Variants in PRMT8 observed in about 807,000 individuals in gnomAD.
PRMT8 encodes the protein protein arginine methyltransferase 8.
A neutral mutation model predicts 47.1 loss-of-function variants in PRMT8; 7 were observed. The ratio of observed to expected loss-of-function variants is 0.15; its 90% CI spans 0.08 to 0.28. The LOEUF is 0.28. Ranked by LOEUF, PRMT8 falls within the 10% of genes least tolerant of loss-of-function variation. The pLI, the probability that PRMT8 is intolerant of heterozygous loss-of-function variation, is 1.00. For synonymous variants in PRMT8, 188 were observed against 186.5 expected, an observed-to-expected ratio of 1.01 and a Z score of -0.07; for missense variants, 237 against 505.4, an observed-to-expected ratio of 0.47 and a Z score of 5.09.
In PRMT8 at chr12:3,537,988, C is replaced by T. The variant is rs1233099886; in HGVS notation, c.76-2618C>T. 3.3e-5 allele frequency among the ~76,000 whole-genome samples: 5 copies of T among 152,176 alleles called. No homozygotes were observed. The East Asian group carries it at 7.7e-4, about 23-fold the overall frequency. ...TGGTTACAAACCGGCAATAGCTCCC[C>T]GTTGTCTTTTGTATTTAATTACGAC... On this transcript the variant is annotated intron_variant, in intron 1 of 9. Coordinates refer to ENST00000382622, the MANE Select transcript of PRMT8 (RefSeq NM_019854.5).
chr12:3,527,762 G>A (rs1203100792), intron 1 of PRMT8, among the ~76,000 whole-genome samples: 1 of 152,078 alleles, frequency 6.6e-6, no homozygotes, highest in Non-Finnish European at 1.5e-5. Context: ...CATTTCCAGA[G>A]CACTTCATTC....
chr12:3,444,629 C>T lies in PRMT8; in HGVS notation c.48+63187C>T, dbSNP rs117124731. Among the ~76,000 whole-genome samples, 109 of 152,288 alleles carry T rather than the reference C, an allele frequency of 7.2e-4. 2 individuals carry two copies. In the East Asian group the frequency reaches 0.02, roughly 28 times the overall value. ...TATGACAGGTGAAGGGAAAGGCATC[C>T]AGGTCATGCCAGTTAGCACAATTTC... On this transcript the variant is annotated intron_variant, in intron 1 of 9. Coordinates refer to the PRMT8 transcript ENST00000452611.
At chr12:3,455,104 C>T (rs190495175) in intron 1 of PRMT8, among the ~76,000 whole-genome samples, 6 of 152,188 alleles carry the variant, frequency 3.9e-5, no homozygotes, top group Non-Finnish European at 8.8e-5. Flanking sequence ...TTGGGGGCTC[C>T]TCCTATCTCT....
At chr12:3,553,603 C>A in intron 3 of PRMT8, 48 bp from the exon 4 acceptor site, 1 of 1,473,614 alleles carries the variant, frequency 6.8e-7, no homozygotes, top group Non-Finnish European at 9.5e-7. Context: ...GTGGGTCTTG[C>A]TGTGATTTTT....
chr12:3,569,409 G>A lies in PRMT8; in HGVS notation c.625-68G>A. Reference sequence around the variant, plus strand: ...TGCTTGTCTGGTGACTCTATGTGCAGTTCAAAATGTGATGTCTTTGTCAGG... The same window carrying A: ...TGCTTGTCTGGTGACTCTATGTGCAATTCAAAATGTGATGTCTTTGTCAGG... On this transcript the variant is annotated intron_variant, in intron 5 of 9. Transcript: ENST00000382622. This position sits in a 1 kb window ranked among gnomAD's most constrained non-coding sequence, Gnocchi z 8.2. 1 of 1,345,930 alleles carries A rather than the reference G, an allele frequency of 7.4e-7. No individual in the cohort carries two copies. Among genetic ancestry groups the A allele is most frequent in the South Asian group, 1.2e-5 (1 of 85,384 alleles). 83.4% of individuals were successfully genotyped at this position (1,345,930 alleles called of 1,614,324 possible).
At chr12:3,571,074 G>A (rs899588798) in intron 6 of PRMT8, among the ~76,000 whole-genome samples, 24 of 152,360 alleles carry the variant, frequency 1.6e-4, no homozygotes, top group African/African-American at 5.8e-4. Flanking sequence ...TGAGGATTAA[G>A]TGAGATGACA....
intron 1 of PRMT8, chr12:3,381,509 T>C: frequency 1.3e-6 from 2 of 1,481,572 alleles, no homozygotes; most frequent in Non-Finnish European, 1.8e-6. Flanking sequence ...GCAATTTATC[T>C]TGACCCCGTG....
At chr12:3,585,242 G>GGGGGT (rs1867144584) in intron 8 of PRMT8, among the ~76,000 whole-genome samples, 1 of 151,978 alleles carries the variant, frequency 6.6e-6, no homozygotes, top group South Asian at 2.1e-4. Context: ...CAGGGGGTGA[G>GGGGGT]GAGGTGAGTA....
chr12:3,584,639 C>T (rs778154415), intron 8 of PRMT8, among the ~76,000 whole-genome samples: 7 of 152,248 alleles, frequency 4.6e-5, no homozygotes, highest in Non-Finnish European at 7.3e-5. Flanking sequence ...CCCACTCCCA[C>T]TCTTCAGAGG....
Position 3,550,385 on chromosome 12 carries a change from CA to C in PRMT8, c.417+295del. On this transcript the variant is annotated intron_variant, in intron 3 of 9. Coordinates refer to ENST00000382622, the MANE Select transcript of PRMT8 (RefSeq NM_019854.5). The surrounding 1 kb of genome is among the most constrained non-coding windows in gnomAD (Gnocchi z 5.1). The stretch of plus-strand genomic sequence containing the variant: ...CAGTGCTTAGCCCCAAGGTCAGCTT[CA>C]GAGGCAGTGCAGGTGGTTACTCGGG... 1 of 338,638 alleles carries C rather than the reference CA, an allele frequency of 3.0e-6. No homozygotes were observed. The highest frequency in any genetic ancestry group is 4.9e-5 in the East Asian group (1 of 20,594). The allele number at this position is 338,638 out of a possible 1,614,324, so 21.0% of individuals were successfully genotyped here.
At chr12:3,590,381 C>T (rs893769256) in intron 8 of PRMT8, among the ~76,000 whole-genome samples, 19 of 152,164 alleles carry the variant, frequency 1.2e-4, no homozygotes, top group Non-Finnish European at 2.4e-4. Flanking sequence ...TGAGTCAGTG[C>T]ATGATCAAGC....
intron 1 of PRMT8, among the ~76,000 whole-genome samples, chr12:3,463,934 C>T (rs1198498781): frequency 6.6e-6 from 1 of 152,182 alleles, no homozygotes; most frequent in Non-Finnish European, 1.5e-5. Flanking sequence ...TGAGGATTCT[C>T]ATAGCAAAGT....
rs968159601 is a variant in PRMT8, at chr12:3,575,762, T to C, written c.713-1109T>C. Among the ~76,000 whole-genome samples the C allele has an allele frequency of 4.6e-5, 7 of 152,310 alleles. No individual in the cohort carries two copies. In the East Asian group the frequency reaches 7.7e-4, roughly 17 times the overall value. ...GGCCAGGCATGGTGACTCATGCCTG[T>C]TATCCCAGCACTTTGGGAGGCCTAG... On this transcript the variant is annotated intron_variant, in intron 6 of 9. Transcript: ENST00000382622.
Position 3,514,670 on chromosome 12 carries a change from CT to C in PRMT8, c.75+22971del, listed in dbSNP as rs1437206574. Among the ~76,000 whole-genome samples, 1 of 149,298 alleles carries C rather than the reference CT, an allele frequency of 6.7e-6. No individual in the cohort carries two copies. Among genetic ancestry groups the C allele is most frequent in the Non-Finnish European group, 1.5e-5 (1 of 67,302 alleles). On this transcript the variant is annotated intron_variant, in intron 1 of 9. Transcript: ENST00000382622. The surrounding 1 kb of genome is among the most constrained non-coding windows in gnomAD (Gnocchi z 5.9). The stretch of plus-strand genomic sequence containing the variant: ...GCTGACCTTTCCGGCTGGGTTCTGC[CT>C]GTGGGCGACAGGAGCACCAGTGGGA...
chr12:3,392,633 C>A (rs1224319356), intron 1 of PRMT8, among the ~76,000 whole-genome samples: 1 of 151,530 alleles, frequency 6.6e-6, no homozygotes, highest in Non-Finnish European at 1.5e-5. Context: ...TGGGTTGGTT[C>A]CAAGTCTTTG....
intron 1 of PRMT8, among the ~76,000 whole-genome samples, chr12:3,522,405 C>T (rs58847055): frequency 0.016 from 2,435 of 152,182 alleles, 65 homozygotes; most frequent in East Asian, 0.1. Context: ...GTGGCTCACA[C>T]CTGTAATCCC....
chr12:3,515,313 C>T (rs1865773672), intron 1 of PRMT8, among the ~76,000 whole-genome samples: 1 of 152,180 alleles, frequency 6.6e-6, no homozygotes, highest in Non-Finnish European at 1.5e-5. Context: ...CCTCCACCTG[C>T]TCACTGGTGT....
intron 1 of PRMT8, among the ~76,000 whole-genome samples, chr12:3,434,429 C>T (rs956368434): frequency 2.6e-5 from 4 of 152,210 alleles, no homozygotes; most frequent in Non-Finnish European, 5.9e-5. Flanking sequence ...GGTTTCTGGG[C>T]CACCTTTCCT....
chr12:3,579,932 G>C (rs1867023764), intron 7 of PRMT8, among the ~76,000 whole-genome samples: 1 of 152,112 alleles, frequency 6.6e-6, no homozygotes, highest in Non-Finnish European at 1.5e-5. Flanking sequence ...TGGGGTCTCA[G>C]AGCTGCTGTT....
Sources: gnomAD v4.1 joint callset for allele counts (sites outside exome capture counted in the v4.1 genomes callset) on GRCh38, gnomAD v4.1.1 for gene constraint, Gnocchi (gnomAD v3.1) non-coding constraint, MANE v1.5 for transcripts, NCBI Gene and HGNC (gene_info 2026-07-23, HGNC 2026-07-21) for gene names.